ZKSCAN2: variants seen among roughly 807,000 people sequenced by gnomAD.
ZKSCAN2 encodes the protein zinc finger protein with KRAB and SCAN domains 2.
Under a neutral mutation model 90.5 loss-of-function variants are expected in ZKSCAN2, and 38 were observed. The observed-to-expected ratio is 0.42, with a 90% CI of 0.32 to 0.55. ZKSCAN2 has a LOEUF of 0.55. Ranked by LOEUF, ZKSCAN2 falls within the 20% of genes least tolerant of loss-of-function variation. The pLI is 0.11. For synonymous variants in ZKSCAN2, 429 were observed against 421.6 expected (o/e 1.02, Z -0.22); for missense variants, 1,167 against 1,202.6 (o/e 0.97, Z 0.44).
In ZKSCAN2 at chr16:25,257,560, A is replaced by G; in HGVS notation, c.-433T>C. The G allele has an allele frequency of 1.0e-6, 1 of 959,904 alleles. No individual in the cohort carries two copies. The highest frequency in any genetic ancestry group is 1.2e-6 in the Non-Finnish European group (1 of 806,484). 59.5% of individuals were successfully genotyped at this position (959,904 alleles called of 1,614,324 possible). A position where few individuals can be genotyped will look rare whatever the true frequency, so the allele number is the denominator to read the frequency against. On this transcript the variant is annotated 5_prime_UTR_variant, in exon 1 of 7. Transcript: ENST00000328086. Reference sequence around the variant, plus strand: ...CCCGAGTGGGTGGGGCCGGATGTGCAGGCCCCGCCCGGCGCCAGGTTCCGG... The same window carrying G: ...CCCGAGTGGGTGGGGCCGGATGTGCGGGCCCCGCCCGGCGCCAGGTTCCGG...
In ZKSCAN2 at chr16:25,240,156, C is replaced by T. The variant is rs1962828660; in HGVS notation, c.2564G>A (p.Gly855Asp). ...CTCTCCACACTGATAGGGCTTCTCA[C>T]CGGTGTGCGTTCTCTGATGTATAAT... is the stretch of plus-strand genomic sequence containing the variant. ...SLIIHQRTHT[G>D]EKPYQCGECG... The change falls in exon 7 of 7, where the codon GGT becomes GAT. Residue 855 changes from glycine to aspartate, a missense_variant. Gly to Asp is a moderately conservative substitution (Grantham distance 94). Coordinates refer to ENST00000328086, the MANE Select transcript of ZKSCAN2 (RefSeq NM_001012981.5). 3 of 1,614,098 alleles carry T rather than the reference C, an allele frequency of 1.9e-6. No homozygotes were observed. The highest frequency in any genetic ancestry group is 2.5e-6 in the Non-Finnish European group (3 of 1,180,028).
At chr16:25,246,555 C>A in intron 5 of ZKSCAN2, 152 bp downstream of exon 5, 1 of 760,658 alleles carries the variant, frequency 1.3e-6, no homozygotes, top group South Asian at 1.7e-5. Context: ...CAGCAAGCAC[C>A]TGAGAGTACT....
At chr16:25,254,006 A>AAAAAT (rs146119806) in intron 2 of ZKSCAN2, among the ~76,000 whole-genome samples, 129 of 151,522 alleles carry the variant, frequency 8.5e-4, no homozygotes, top group Middle Eastern at 3.4e-3. Flanking sequence ...ACCTCAAAGA[A>AAAAAT]AAAATAAAAT....
chr16:25,256,633 C>T (rs568238204), intron 1 of ZKSCAN2, 96 bp downstream of exon 1: 32 of 1,388,308 alleles, frequency 2.3e-5, no homozygotes, highest in African/African-American at 1.9e-4. Context: ...ATTTATCTTT[C>T]TCTGAAGAGC....
chr16:25,244,576 T>G (rs1277979516), intron 5 of ZKSCAN2, among the ~76,000 whole-genome samples: 1 of 152,244 alleles, frequency 6.6e-6, no homozygotes, highest in Admixed American at 6.5e-5. Context: ...AAAACTGAAA[T>G]CGGTAAACTA....
In ZKSCAN2 at chr16:25,257,004, C is replaced by A; in HGVS notation, c.124G>T (p.Glu42Ter). 1 of 1,614,246 alleles carries A rather than the reference C, an allele frequency of 6.2e-7. No homozygotes were observed. The highest frequency in any genetic ancestry group is 8.5e-7 in the Non-Finnish European group (1 of 1,180,036). Residue 42 changes from glutamate to a stop codon, truncating the protein, a stop_gained, in exon 1 of 7, where the codon GAG becomes TAG. Transcript: ENST00000328086. LOFTEE classifies it high-confidence loss of function. ...TGCCTGAAGCATTTGCGGAAGGTCT[C>A]AGAGCTATCCGATCCTTCCAGAATG... ...EPILEGSDSS[E>*]TFRKCFRQFC...
At position 25,252,122 on chromosome 16, in the gene ZKSCAN2, C is replaced by G. The variant is rs1394698917; in HGVS notation, c.679-87G>C. 5 of 1,465,324 alleles carry G rather than the reference C, an allele frequency of 3.4e-6. No individual in the cohort carries two copies. The East Asian group carries it at 1.2e-4, about 35-fold the overall frequency. 90.8% of individuals were successfully genotyped at this position (1,465,324 alleles called of 1,614,324 possible). ...AATCACAGATGAGGCAGAGAAGAAC[C>G]CTAAAGAACTGAAATCAAGGAACAA... On this transcript the variant is annotated intron_variant, in intron 3 of 6. Coordinates refer to ENST00000328086, the MANE Select transcript of ZKSCAN2 (RefSeq NM_001012981.5).
At chr16:25,247,738 G>C (rs1360074244) in intron 4 of ZKSCAN2, among the ~76,000 whole-genome samples, 1 of 152,144 alleles carries the variant, frequency 6.6e-6, no homozygotes, top group Middle Eastern at 3.2e-3. Flanking sequence ...AAAATAAAGT[G>C]TATCTTTTCC....
At chr16:25,241,209 CTTTG>C (rs1246719667) in intron 6 of ZKSCAN2, among the ~76,000 whole-genome samples, 3 of 152,220 alleles carry the variant, frequency 2.0e-5, no homozygotes, top group African/African-American at 7.2e-5. Context: ...GTTCTTCTCA[CTTTG>C]TTTTTCAGGC....
rs1220675101 is a variant in ZKSCAN2, at chr16:25,247,020, C to T, written c.1176G>A (p.Gln392=). 1.2e-6 allele frequency: 2 copies of T among 1,614,192 alleles called. No individual in the cohort carries two copies. The highest frequency in any genetic ancestry group is 1.7e-6 in the Non-Finnish European group (2 of 1,180,028). ...GGAGACTTTTGAACTTGGTTCGACACTGTTCTGGGGTTCTAAGGAAGCCAC... is the reference window on the plus strand; with the variant it reads ...GGAGACTTTTGAACTTGGTTCGACATTGTTCTGGGGTTCTAAGGAAGCCAC... ...RECGFLRTPE[Q]CRTKFKSLQK... is the part of the protein sequence containing the mutation. The change falls in exon 5 of 7, where the codon CAG becomes CAA. Residue 392 remains glutamine (Q), a synonymous_variant. Transcript: ENST00000328086.
At chr16:25,254,673 C>T (rs1040473844) in intron 2 of ZKSCAN2, among the ~76,000 whole-genome samples, 1 of 152,176 alleles carries the variant, frequency 6.6e-6, no homozygotes, top group Non-Finnish European at 1.5e-5. Context: ...AAGAGATCCG[C>T]CTGCCTCGGC....
intron 4 of ZKSCAN2, among the ~76,000 whole-genome samples, chr16:25,247,961 A>G (rs958264588): frequency 6.6e-6 from 1 of 152,198 alleles, no homozygotes; most frequent in Non-Finnish European, 1.5e-5. Context: ...GTATAGCTAA[A>G]TAATCTTTGA....
At chr16:25,246,523 ACT>A in intron 5 of ZKSCAN2, 182 bp downstream of exon 5, 1 of 632,438 alleles carries the variant, frequency 1.6e-6, no homozygotes, top group Non-Finnish European at 2.8e-6. Context: ...TGGAGCTGTT[ACT>A]CTGACTGCAA....
chr16:25,257,540 G>A lies in ZKSCAN2; in HGVS notation c.-413C>T. 1.0e-6 allele frequency: 1 copy of A among 987,166 alleles called. No individual in the cohort carries two copies. The allele number at this position is 987,166 out of a possible 1,614,324, so 61.2% of individuals were successfully genotyped here. A position where few individuals can be genotyped will look rare whatever the true frequency, so the allele number is the denominator to read the frequency against. ...CGGGCGCGGAGAGGCGAGTCCCCGA[G>A]TGGGTGGGGCCGGATGTGCAGGCCC... On this transcript the variant is annotated 5_prime_UTR_variant, in exon 1 of 7. Transcript: ENST00000328086.
In ZKSCAN2 at chr16:25,245,794, A is replaced by C. The variant is rs901393014; in HGVS notation, c.1489+913T>G. Among the ~76,000 whole-genome samples the C allele has an allele frequency of 2.6e-5, 4 of 151,706 alleles. No homozygotes were observed. The East Asian group carries it at 5.8e-4, about 22-fold the overall frequency. On this transcript the variant is annotated intron_variant, in intron 5 of 6. Transcript: ENST00000328086. ...CGGAAAAAAAAAAAAAAAAGAATTT[A>C]TCTCTAGCTGGAGTAAAGAAACATT...
At chr16:25,253,617 G>C (rs1049409734) in intron 2 of ZKSCAN2, among the ~76,000 whole-genome samples, 2 of 152,214 alleles carry the variant, frequency 1.3e-5, no homozygotes, top group Non-Finnish European at 2.9e-5. Context: ...GTGCCATTCT[G>C]GGGGAAAGGA....
intron 4 of ZKSCAN2, among the ~76,000 whole-genome samples, chr16:25,251,387 C>T (rs1166184724): frequency 6.6e-6 from 1 of 151,828 alleles, no homozygotes; most frequent in Admixed American, 6.6e-5. Flanking sequence ...GATATATTTT[C>T]GTAAGTATTT....
chr16:25,248,554 G>T (rs1340226320), intron 4 of ZKSCAN2, among the ~76,000 whole-genome samples: 1 of 152,146 alleles, frequency 6.6e-6, no homozygotes. Flanking sequence ...ATGAAAAGGT[G>T]CTCAACATTG....
rs932132531 is a variant in ZKSCAN2 at position 25,236,486 on chromosome 16, C to T, written c.*3330G>A. 1.3e-5 allele frequency: 2 copies of T among 152,292 alleles called. No individual in the cohort carries two copies. The highest frequency in any genetic ancestry group is 1.5e-5 in the Non-Finnish European group (1 of 68,092). The allele number at this position is 152,292 out of a possible 1,614,324, so 9.4% of individuals were successfully genotyped here. A position where few individuals can be genotyped will look rare whatever the true frequency, so the allele number is the denominator to read the frequency against. ...TCTAACCTCTTCCGCATCTATATCA[C>T]GCTCCACAGCCTCATGAAACATTAG... On this transcript the variant is annotated 3_prime_UTR_variant, in exon 7 of 7. Transcript: ENST00000328086.
Sources: allele counts gnomAD v4.1 joint callset (sites outside exome capture counted in the v4.1 genomes callset), GRCh38; gene constraint gnomAD v4.1.1; transcripts MANE v1.5; gene names NCBI Gene and HGNC (gene_info 2026-07-23, HGNC 2026-07-21).